Variants in NPR3 observed in about 807,000 individuals in gnomAD.
NPR3 encodes natriuretic peptide receptor 3.
NPR3 carries 34 observed loss-of-function variants against 54.5 expected under a neutral mutation model. The ratio of observed to expected loss-of-function variants is 0.62; its 90% CI spans 0.47 to 0.83. The LOEUF (loss-of-function observed/expected upper bound fraction) is 0.83, where lower values mean the gene tolerates loss of function less well. NPR3 is among the 40% of genes least tolerant of loss of function. The pLI is 0.00. For synonymous variants in NPR3, 289 were observed against 297.1 expected, an observed-to-expected ratio of 0.97 and a Z score of 0.28; for missense variants, 674 against 720.8, an observed-to-expected ratio of 0.94 and a Z score of 0.74.
intron 3 of NPR3, among the ~76,000 whole-genome samples, chr5:32,759,080 G>A (rs1222427247): frequency 6.6e-6 from 1 of 152,202 alleles, no homozygotes; most frequent in Admixed American, 6.5e-5. Flanking sequence ...TGCATATTCT[G>A]TTGATTTGGG....
intron 3 of NPR3, among the ~76,000 whole-genome samples, chr5:32,760,088 C>A (rs950772275): frequency 1.3e-5 from 2 of 151,474 alleles, no homozygotes; most frequent in East Asian, 3.9e-4. Flanking sequence ...TGTTTAAATA[C>A]GCCATGATTT....
intron 7 of NPR3, among the ~76,000 whole-genome samples, chr5:32,785,843 TTGTAACTAGGCATA>T (rs1742588313): frequency 6.6e-6 from 1 of 152,254 alleles, no homozygotes; most frequent in Non-Finnish European, 1.5e-5. Flanking sequence ...CTGCATGGGA[TTGTAACTAGGCATA>T]TGTGACCCTT....
chr5:32,766,737 C>T (rs1561122428), intron 3 of NPR3, among the ~76,000 whole-genome samples: 1 of 152,134 alleles, frequency 6.6e-6, no homozygotes, highest in Non-Finnish European at 1.5e-5. Context: ...AGTTGGAAAA[C>T]ATTTAATCAG....
intron 1 of NPR3, among the ~76,000 whole-genome samples, chr5:32,715,854 C>T (rs1167673732): frequency 6.6e-6 from 1 of 152,172 alleles, no homozygotes; most frequent in East Asian, 1.9e-4. Flanking sequence ...TGTCATTAAT[C>T]TGGGCCTGCA....
At chr5:32,735,479 C>CAAAAA (rs10555665) in intron 2 of NPR3, among the ~76,000 whole-genome samples, 2 of 127,050 alleles carry the variant, frequency 1.6e-5, no homozygotes, top group Non-Finnish European at 3.4e-5. Flanking sequence ...AGAAAAATAC[C>CAAAAA]AAAAAAAAAA....
At chr5:32,741,539 C>G (rs1165307151) in intron 3 of NPR3, among the ~76,000 whole-genome samples, 1 of 152,064 alleles carries the variant, frequency 6.6e-6, no homozygotes, top group Non-Finnish European at 1.5e-5. Flanking sequence ...AAAGGTATAC[C>G]TACTACAAAG....
intron 1 of NPR3, among the ~76,000 whole-genome samples, chr5:32,720,781 A>C (rs1447317326): frequency 6.6e-6 from 1 of 152,158 alleles, no homozygotes; most frequent in African/African-American, 2.4e-5. Context: ...TGTTCTCTAT[A>C]AATCTTATCA....
Position 32,738,868 on chromosome 5 carries a change from T to A in NPR3, c.897T>A (p.Asp299Glu). The A allele has an allele frequency of 6.2e-7, 1 of 1,613,000 alleles. No individual in the cohort carries two copies. Among genetic ancestry groups the A allele is most frequent in the Non-Finnish European group, 8.5e-7 (1 of 1,179,384 alleles). The change falls in exon 3 of 8, where the codon GAT becomes GAA. Residue 299 changes from aspartate to glutamate, a missense_variant. By Grantham distance (45) the Asp-to-Glu change is conservative. Transcript: ENST00000265074. The part of the protein sequence containing the change: ...IELFNSSSYG[D>E]GSWKRGDKHD... ...ATATTTTTATTTCTTCCATAGGAGA[T>A]GGCTCATGGAAGAGAGGAGACAAAC...
In NPR3 at chr5:32,787,245, AT is replaced by A. The variant is rs1579719682; in HGVS notation, c.*902del. The stretch of plus-strand genomic sequence containing the variant: ...TTCCCTTGGCCACAGCCAAATGCTA[AT>A]TGCTGCTTTAATTACAGAGATGTGT... On this transcript the variant is annotated 3_prime_UTR_variant, in exon 8 of 8. Transcript: ENST00000265074. 6.6e-6 allele frequency: 1 copy of A among 152,528 alleles called. No individual in the cohort carries two copies. Among genetic ancestry groups the A allele is most frequent in the African/African-American group, 2.4e-5 (1 of 41,434 alleles). The allele number at this position is 152,528 out of a possible 1,614,324, so 9.4% of individuals were successfully genotyped here. A position where few individuals can be genotyped will look rare whatever the true frequency, so the allele number is the denominator to read the frequency against.
At position 32,790,220 on chromosome 5, in the gene NPR3, C is replaced by G. The variant is rs1008674019; in HGVS notation, c.*3875C>G. On this transcript the variant is annotated 3_prime_UTR_variant, in exon 8 of 8. Transcript: ENST00000265074. ...TTCTTTTTCAGTTGTCTTTAGAACT[C>G]AAGAATAATCAATAATTTAGTGCCC... is the stretch of plus-strand genomic sequence containing the variant. The G allele has an allele frequency of 2.3e-5, 4 of 170,974 alleles. No homozygotes were observed. The highest frequency in any genetic ancestry group is 9.7e-5 in the African/African-American group (4 of 41,448). The allele number at this position is 170,974 out of a possible 1,614,324, so 10.6% of individuals were successfully genotyped here. A position where few individuals can be genotyped will look rare whatever the true frequency, so the allele number is the denominator to read the frequency against.
chr5:32,718,194 T>G (rs965228039), intron 1 of NPR3, among the ~76,000 whole-genome samples: 3 of 152,204 alleles, frequency 2.0e-5, no homozygotes, highest in Admixed American at 6.5e-5. Flanking sequence ...GTTCCATTGG[T>G]CTATATATTT....
intron 3 of NPR3, among the ~76,000 whole-genome samples, chr5:32,746,204 C>A (rs1242621401): frequency 2.0e-5 from 3 of 152,176 alleles, no homozygotes; most frequent in Non-Finnish European, 4.4e-5. Flanking sequence ...AGGTACCTTT[C>A]AAATTCATTC....
intron 3 of NPR3, 104 bp from the exon 4 acceptor site, chr5:32,774,604 T>C (rs1741943468): frequency 1.7e-5 from 14 of 841,214 alleles, no homozygotes; most frequent in Non-Finnish European, 2.8e-5. Context: ...CTGCCATGGC[T>C]AACAGACCTG....
chr5:32,745,353 G>C (rs1740241701), intron 3 of NPR3, among the ~76,000 whole-genome samples: 1 of 152,142 alleles, frequency 6.6e-6, no homozygotes, highest in South Asian at 2.1e-4. Flanking sequence ...GTACCCGCCT[G>C]GCCTTTTCTG....
rs538126055 is a variant in NPR3 at position 32,787,312 on chromosome 5, A to G, written c.*967A>G. The G allele has an allele frequency of 2.6e-5, 4 of 152,420 alleles. No homozygotes were observed. Among genetic ancestry groups the G allele is most frequent in the African/African-American group, 9.6e-5 (4 of 41,582 alleles). 9.4% of individuals were successfully genotyped at this position (152,420 alleles called of 1,614,324 possible). A position where few individuals can be genotyped will look rare whatever the true frequency, so the allele number is the denominator to read the frequency against. ...ACAAACTCTACAGGAATACATCAAC[A>G]TTTTAACTCTTTTGCGTTTTTACTG... On this transcript the variant is annotated 3_prime_UTR_variant, in exon 8 of 8. Coordinates refer to ENST00000265074, the MANE Select transcript of NPR3 (RefSeq NM_001204375.2).
intron 2 of NPR3, among the ~76,000 whole-genome samples, chr5:32,727,009 T>A (rs1385486366): frequency 6.6e-6 from 1 of 152,238 alleles, no homozygotes; most frequent in Non-Finnish European, 1.5e-5. Context: ...AGAACAATGC[T>A]GTGTTGAGTG....
At chr5:32,773,409 C>T (rs1353592685) in intron 3 of NPR3, among the ~76,000 whole-genome samples, 1 of 152,112 alleles carries the variant, frequency 6.6e-6, no homozygotes, top group Non-Finnish European at 1.5e-5. Flanking sequence ...GATTAGATGC[C>T]TACTGAAGAC....
At chr5:32,765,082 A>G (rs1741381622) in intron 3 of NPR3, among the ~76,000 whole-genome samples, 1 of 152,218 alleles carries the variant, frequency 6.6e-6, no homozygotes. Flanking sequence ...TCCCTGGCTG[A>G]GAAGCATATT....
chr5:32,696,548 T>A (rs1266381398), intron 1 of NPR3, among the ~76,000 whole-genome samples: 1 of 152,132 alleles, frequency 6.6e-6, no homozygotes, highest in Admixed American at 6.5e-5. Flanking sequence ...AGAATGTCAT[T>A]GGTATTTTGA....
Sources: allele counts gnomAD v4.1 joint callset (sites outside exome capture counted in the v4.1 genomes callset), GRCh38; gene constraint gnomAD v4.1.1; transcripts MANE v1.5; gene names NCBI Gene and HGNC (gene_info 2026-07-23, HGNC 2026-07-21).